Variants in WDR33 observed in about 807,000 individuals in gnomAD.
WDR33 encodes pre-mRNA 3' end processing protein WDR33.
WDR33 carries 47 observed loss-of-function variants against 164.9 expected under a neutral mutation model. That is an observed-to-expected ratio of 0.29 (90% confidence interval 0.23 to 0.36). WDR33 has a LOEUF of 0.36. WDR33 is among the 10% of genes least tolerant of loss of function. The probability of loss-of-function intolerance (pLI) is 1.00; values close to 1 mark genes in which losing one functional copy is unlikely to be tolerated. For synonymous variants in WDR33, 505 were observed against 589.0 expected (o/e 0.86, Z 2.06); for missense variants, 1,137 against 1,754.1 (o/e 0.65, Z 6.28).
chr2:127,777,112 T>C (rs1350953329), intron 1 of WDR33, among the ~76,000 whole-genome samples: 1 of 152,232 alleles, frequency 6.6e-6, no homozygotes, highest in African/African-American at 2.4e-5. Flanking sequence ...TTGCCTATTG[T>C]TGAATTCAGT....
chr2:127,723,192 T>C lies in WDR33; in HGVS notation c.1291+61A>G. 6.6e-7 allele frequency: 1 copy of C among 1,512,844 alleles called. No homozygotes were observed. Among genetic ancestry groups the C allele is most frequent in the Non-Finnish European group, 9.1e-7 (1 of 1,104,118 alleles). 93.7% of individuals were successfully genotyped at this position (1,512,844 alleles called of 1,614,324 possible). A position where few individuals can be genotyped will look rare whatever the true frequency, so the allele number is the denominator to read the frequency against. On this transcript the variant is annotated intron_variant, in intron 12 of 21. Transcript: ENST00000322313. The surrounding 1 kb of genome is among the most constrained non-coding windows in gnomAD (Gnocchi z 5.9). ...TTCATTTTGTATAATCTTCCCAACA[T>C]CTAACACTTCTGTAATAGAATACCA...
chr2:127,709,990 A>G lies in WDR33; in HGVS notation c.3309-134T>C, dbSNP rs1248037248. 1 of 1,199,344 alleles carries G rather than the reference A, an allele frequency of 8.3e-7. No homozygotes were observed. The highest frequency in any genetic ancestry group is 1.5e-5 in the African/African-American group (1 of 64,704). The allele number at this position is 1,199,344 out of a possible 1,614,324, so 74.3% of individuals were successfully genotyped here. On this transcript the variant is annotated intron_variant, in intron 18 of 21. Transcript: ENST00000322313. This position sits in a 1 kb window ranked among gnomAD's most constrained non-coding sequence, Gnocchi z 5.0. ...GGAGGAAAACAAAATAAAACTATATATTTTTGAAAGGATACATTATATAAT... is the reference window on the plus strand; with the variant it reads ...GGAGGAAAACAAAATAAAACTATATGTTTTTGAAAGGATACATTATATAAT...
intron 1 of WDR33, among the ~76,000 whole-genome samples, chr2:127,793,372 A>T (rs773664505): frequency 1.3e-5 from 2 of 151,948 alleles, no homozygotes; most frequent in South Asian, 4.2e-4. Flanking sequence ...AGGAGGTTGC[A>T]GTGAGCCGAG....
At chr2:127,810,734 T>C (rs1312183014) in intron 1 of WDR33, 1 of 152,360 alleles carries the variant, frequency 6.6e-6, no homozygotes, top group African/African-American at 2.4e-5. Flanking sequence ...ACGTCTTAAC[T>C]GTGGCCTGAC....
intron 7 of WDR33, among the ~76,000 whole-genome samples, chr2:127,731,175 G>A (rs1424400063): frequency 1.3e-5 from 2 of 151,468 alleles, no homozygotes; most frequent in African/African-American, 2.4e-5. Flanking sequence ...CATGCCTGTA[G>A]TCCCAGTTGC....
At chr2:127,729,040 G>A (rs1260989182) in intron 7 of WDR33, among the ~76,000 whole-genome samples, 1 of 152,140 alleles carries the variant, frequency 6.6e-6, no homozygotes, top group Non-Finnish European at 1.5e-5. Flanking sequence ...AAGCAAGTGA[G>A]GAATCTCATG....
At chr2:127,737,810 G>A in intron 7 of WDR33, 1 of 1,344,464 alleles carries the variant, frequency 7.4e-7, no homozygotes, top group Non-Finnish European at 9.5e-7. Context: ...CCAGATTAAG[G>A]ATACACTTCT....
At chr2:127,803,391 C>A (rs1045003640) in intron 1 of WDR33, among the ~76,000 whole-genome samples, 1 of 151,966 alleles carries the variant, frequency 6.6e-6, no homozygotes, top group African/African-American at 2.4e-5. Context: ...ACCAGCCTGG[C>A]CAATATGGTA....
intron 7 of WDR33, among the ~76,000 whole-genome samples, chr2:127,727,750 A>G (rs1171728419): frequency 1.3e-5 from 2 of 152,260 alleles, no homozygotes; most frequent in African/African-American, 4.8e-5. Flanking sequence ...ATTTTACATA[A>G]CAAATAAACT....
At position 127,718,853 on chromosome 2, in the gene WDR33, A is replaced by G. The variant is rs1573884188; in HGVS notation, c.2760+412T>C. 6.6e-6 allele frequency among the ~76,000 whole-genome samples: 1 copy of G among 152,212 alleles called. No individual in the cohort carries two copies. The highest frequency in any genetic ancestry group is 2.1e-4 in the South Asian group (1 of 4,826). Reference sequence around the variant, plus strand: ...AAGTGATTCTGTGGCTGGCAGGCCCATGGAACACCAGGCTGCAATGTAAAG... The same window carrying G: ...AAGTGATTCTGTGGCTGGCAGGCCCGTGGAACACCAGGCTGCAATGTAAAG... On this transcript the variant is annotated intron_variant, in intron 16 of 21. Transcript: ENST00000322313. The surrounding 1 kb of genome is among the most constrained non-coding windows in gnomAD (Gnocchi z 4.4).
intron 1 of WDR33, among the ~76,000 whole-genome samples, chr2:127,784,472 C>T (rs967281084): frequency 1.3e-5 from 2 of 152,160 alleles, no homozygotes; most frequent in African/African-American, 2.4e-5. Context: ...GCAGCTTGAC[C>T]ATGTAGGCTC....
chr2:127,736,553 T>C, intron 7 of WDR33: 1 of 985,460 alleles, frequency 1.0e-6, no homozygotes, highest in Non-Finnish European at 1.2e-6. Context: ...GTCACACATT[T>C]ACTTTGCCTA....
chr2:127,758,892 T>G (rs562336628), intron 7 of WDR33, among the ~76,000 whole-genome samples: 1 of 152,164 alleles, frequency 6.6e-6, no homozygotes, highest in Admixed American at 6.5e-5. Flanking sequence ...AACAGTCTCC[T>G]AGGTAACTTG....
At chr2:127,711,792 A>ATTTTTTTTTTT in intron 18 of WDR33, among the ~76,000 whole-genome samples, 1 of 48,914 alleles carries the variant, frequency 2.0e-5, no homozygotes, top group African/African-American at 1.4e-4. Context: ...TTTTTTTTTG[A>ATTTTTTTTTTT]GACAGAGTCT....
chr2:127,791,850 T>G (rs1688854423), intron 1 of WDR33, among the ~76,000 whole-genome samples: 1 of 152,182 alleles, frequency 6.6e-6, no homozygotes, highest in South Asian at 2.1e-4. Flanking sequence ...CTGCCTTGAA[T>G]GATGCTAAGG....
Position 127,738,413 on chromosome 2 carries a change from C to A in WDR33, c.725-11636G>T, listed in dbSNP as rs1686917317. Reference sequence around the variant, plus strand: ...GCCTAAGAATTCCACATAATTTACACAGTTACTCCACCTGAAAAGAGGTGA... The same window carrying A: ...GCCTAAGAATTCCACATAATTTACAAAGTTACTCCACCTGAAAAGAGGTGA... On this transcript the variant is annotated intron_variant, in intron 7 of 21. Coordinates refer to ENST00000322313, the MANE Select transcript of WDR33 (RefSeq NM_018383.5). This position sits in a 1 kb window ranked among gnomAD's most constrained non-coding sequence, Gnocchi z 4.4. Among the ~76,000 whole-genome samples, 1 of 152,106 alleles carries A rather than the reference C, an allele frequency of 6.6e-6. No homozygotes were observed. The highest frequency in any genetic ancestry group is 1.5e-5 in the Non-Finnish European group (1 of 68,024).
rs2105386930 is a variant in WDR33 at position 127,726,889 on chromosome 2, A to C, written c.725-112T>G. On this transcript the variant is annotated intron_variant, in intron 7 of 21. Transcript: ENST00000322313. The surrounding 1 kb of genome is among the most constrained non-coding windows in gnomAD (Gnocchi z 4.8). ...TTTGCTCTCAGTGCTCAGTCAACTT[A>C]AAACTTGTTTTGTGAAGACTCTTTG... 6 of 1,421,998 alleles carry C rather than the reference A, an allele frequency of 4.2e-6. No homozygotes were observed. The highest frequency in any genetic ancestry group is 1.4e-5 in the African/African-American group (1 of 70,016). The allele number at this position is 1,421,998 out of a possible 1,614,324, so 88.1% of individuals were successfully genotyped here. A position where few individuals can be genotyped will look rare whatever the true frequency, so the allele number is the denominator to read the frequency against.
At position 127,720,478 on chromosome 2, in the gene WDR33, CT is replaced by C. The variant is rs1291413231; in HGVS notation, c.1672-126del. The C allele has an allele frequency of 8.4e-7, 1 of 1,189,044 alleles. No homozygotes were observed. Among genetic ancestry groups the C allele is most frequent in the Non-Finnish European group, 1.1e-6 (1 of 899,832 alleles). 73.7% of individuals were successfully genotyped at this position (1,189,044 alleles called of 1,614,324 possible). On this transcript the variant is annotated intron_variant, in intron 15 of 21. Transcript: ENST00000322313. This position sits in a 1 kb window ranked among gnomAD's most constrained non-coding sequence, Gnocchi z 5.9. ...ATAAAAACTGCTCAAACTCTTCACG[CT>C]CCAGTGGTAATTAGAGTCCATGCAA...
chr2:127,732,338 G>A (rs900223626), intron 7 of WDR33, among the ~76,000 whole-genome samples: 3 of 150,916 alleles, frequency 2.0e-5, no homozygotes, highest in East Asian at 3.9e-4. Context: ...GCACTCTATC[G>A]CCCAGGCTAG....
Sources: gnomAD v4.1 joint callset for allele counts (sites outside exome capture counted in the v4.1 genomes callset) on GRCh38, gnomAD v4.1.1 for gene constraint, Gnocchi (gnomAD v3.1) non-coding constraint, MANE v1.5 for transcripts, NCBI Gene and HGNC (gene_info 2026-07-23, HGNC 2026-07-21) for gene names.